KCNJ6: variants seen among roughly 807,000 people sequenced by gnomAD.
The protein encoded by KCNJ6 is potassium inwardly rectifying channel subfamily J member 6, also known as G protein-activated inward rectifier potassium channel 2.
Under a neutral mutation model 34.2 loss-of-function variants are expected in KCNJ6, and 9 were observed. That is an observed-to-expected ratio of 0.26 (90% CI 0.16 to 0.46). The LOEUF is 0.46. Among genes scored for constraint, KCNJ6 ranks in the 20% least tolerant of loss-of-function variants. The pLI is 1.00. For missense variants in KCNJ6, 236 were observed against 531.3 expected (o/e 0.44, Z 5.46); for synonymous variants, 196 against 207.1 (o/e 0.95, Z 0.46).
rs537779740 is a variant in KCNJ6 at position 37,795,189 on chromosome 21, G to C, written c.25+45469C>G. 2.6e-5 allele frequency among the ~76,000 whole-genome samples: 4 copies of C among 152,336 alleles called. No homozygotes were observed. The South Asian group carries it at 8.3e-4, about 32-fold the overall frequency. On this transcript the variant is annotated intron_variant, in intron 2 of 3. Coordinates refer to ENST00000609713, the MANE Select transcript of KCNJ6 (RefSeq NM_002240.5). ...AGTTGAGGAAACAGAACACATTTTA[G>C]AAAAACTTCCATCAGGATAATGAAA... is the stretch of plus-strand genomic sequence containing the variant.
chr21:37,738,064 T>C (rs2054922201), intron 2 of KCNJ6, among the ~76,000 whole-genome samples: 1 of 152,166 alleles, frequency 6.6e-6, no homozygotes, highest in Non-Finnish European at 1.5e-5. Context: ...ATTTGTTTAA[T>C]GCTCACACTC....
chr21:37,607,484 T>TATATATATATATATATATATATATATATA lies in KCNJ6; in HGVS notation c.*17674_*17675insTATATATATATATATATATATATATATAT, dbSNP rs35281433. 6.4e-5 allele frequency: 4 copies of TATATATATATATATATATATATATATATA among 62,168 alleles called. No homozygotes were observed. Among genetic ancestry groups the TATATATATATATATATATATATATATATA allele is most frequent in the Non-Finnish European group, 1.4e-4 (4 of 29,270 alleles). The allele number at this position is 62,168 out of a possible 1,614,324, so 3.9% of individuals were successfully genotyped here. A position where few individuals can be genotyped will look rare whatever the true frequency, so the allele number is the denominator to read the frequency against. On this transcript the variant is annotated 3_prime_UTR_variant, in exon 4 of 4. Coordinates refer to ENST00000609713, the MANE Select transcript of KCNJ6 (RefSeq NM_002240.5). ...TAAAGATATATATATATATATATAT[T>TATATATATATATATATATATATATATATA]TTTTTTTTATTTTAAAAAAATTTGG...
rs538349955 is a variant in KCNJ6 at position 37,767,194 on chromosome 21, G to C, written c.26-52063C>G. On this transcript the variant is annotated intron_variant, in intron 2 of 3. Coordinates refer to ENST00000609713, the MANE Select transcript of KCNJ6 (RefSeq NM_002240.5). Reference sequence around the variant, plus strand: ...GTGTCCCATTATCTGACAGCTTCAAGGATTGGCGAGCACACATCTTTGTCT... The same window carrying C: ...GTGTCCCATTATCTGACAGCTTCAACGATTGGCGAGCACACATCTTTGTCT... 3.3e-5 allele frequency among the ~76,000 whole-genome samples: 5 copies of C among 152,276 alleles called. No homozygotes were observed. In the South Asian group the frequency reaches 1.0e-3, roughly 32 times the overall value.
In KCNJ6 at chr21:37,800,325, C is replaced by G. The variant is rs1422791478; in HGVS notation, c.25+40333G>C. On this transcript the variant is annotated intron_variant, in intron 2 of 3. Coordinates refer to ENST00000609713, the MANE Select transcript of KCNJ6 (RefSeq NM_002240.5). ...TGTTGGAGAAAGGCCATGAAGAAATCCACTTAAATAAAATAGGGACCCAAA... is the reference window on the plus strand; with the variant it reads ...TGTTGGAGAAAGGCCATGAAGAAATGCACTTAAATAAAATAGGGACCCAAA... Among the ~76,000 whole-genome samples the G allele has an allele frequency of 2.0e-5, 3 of 152,068 alleles. No homozygotes were observed. The East Asian group carries it at 5.8e-4, about 29-fold the overall frequency.
chr21:37,831,072 G>C (rs1319531819), intron 2 of KCNJ6, among the ~76,000 whole-genome samples: 1 of 152,222 alleles, frequency 6.6e-6, no homozygotes, highest in East Asian at 1.9e-4. Context: ...CTTGCATGGA[G>C]ACATGGCTCA....
intron 2 of KCNJ6, among the ~76,000 whole-genome samples, chr21:37,767,398 C>T (rs116641715): frequency 5.3e-4 from 81 of 152,262 alleles, no homozygotes; most frequent in African/African-American, 1.9e-3. Flanking sequence ...TGCAAGGGAC[C>T]TTAGAACACT....
chr21:37,709,400 G>A (rs186328545), intron 3 of KCNJ6, among the ~76,000 whole-genome samples: 2 of 152,222 alleles, frequency 1.3e-5, no homozygotes, highest in African/African-American at 4.8e-5. Flanking sequence ...TGTAATCCCA[G>A]CTACTCAGGA....
At chr21:37,721,399 T>C (rs1569451984) in intron 2 of KCNJ6, among the ~76,000 whole-genome samples, 8 of 152,320 alleles carry the variant, frequency 5.3e-5, no homozygotes, top group Admixed American at 3.3e-4. Flanking sequence ...AGAATTACCA[T>C]GTAATCCAGC....
At chr21:37,878,264 ATT>A (rs11450480) in intron 1 of KCNJ6, among the ~76,000 whole-genome samples, 1 of 149,178 alleles carries the variant, frequency 6.7e-6, no homozygotes, top group Non-Finnish European at 1.5e-5. Context: ...CATTTGTGGG[ATT>A]TTTTTTTTTT....
intron 1 of KCNJ6, among the ~76,000 whole-genome samples, chr21:37,901,603 C>G (rs939782004): frequency 1.3e-5 from 2 of 152,198 alleles, no homozygotes; most frequent in Admixed American, 1.3e-4. Context: ...ATAATTGACT[C>G]AACCAGGAAT....
intron 3 of KCNJ6, among the ~76,000 whole-genome samples, chr21:37,638,072 C>T (rs2054365805): frequency 6.6e-6 from 1 of 152,208 alleles, no homozygotes; most frequent in Admixed American, 6.5e-5. Context: ...AGGCCAAGCT[C>T]CAGAGTCTAC....
intron 2 of KCNJ6, among the ~76,000 whole-genome samples, chr21:37,762,667 C>T (rs933009438): frequency 2.6e-5 from 4 of 152,154 alleles, no homozygotes; most frequent in African/African-American, 9.6e-5. Context: ...ACCACGATGA[C>T]ATGGGCCTTC....
rs573128210 is a variant in KCNJ6 at position 37,667,392 on chromosome 21, C to G, written c.947-41908G>C. On this transcript the variant is annotated intron_variant, in intron 3 of 3. Coordinates refer to ENST00000609713, the MANE Select transcript of KCNJ6 (RefSeq NM_002240.5). ...TTGTAACAAGCCCATCCTGTCTGGA[C>G]CAGGGGGATTCAGCTAAGCCTAGGG... Among the ~76,000 whole-genome samples the G allele has an allele frequency of 5.9e-5, 9 of 152,138 alleles. 1 individual carries two copies. The South Asian group carries it at 1.9e-3, about 32-fold the overall frequency.
chr21:37,816,468 C>T (rs1253562220), intron 2 of KCNJ6, among the ~76,000 whole-genome samples: 1 of 152,238 alleles, frequency 6.6e-6, no homozygotes, highest in South Asian at 2.1e-4. Context: ...CACACATTTA[C>T]AAACGAACTG....
chr21:37,894,497 T>C (rs2055778288), intron 1 of KCNJ6, among the ~76,000 whole-genome samples: 1 of 152,056 alleles, frequency 6.6e-6, no homozygotes, highest in Admixed American at 6.6e-5. Context: ...ACCCTGTCTC[T>C]ACTAAAAATA....
At chr21:37,646,871 A>G (rs967194530) in intron 3 of KCNJ6, among the ~76,000 whole-genome samples, 2 of 151,922 alleles carry the variant, frequency 1.3e-5, no homozygotes, top group African/African-American at 4.8e-5. Flanking sequence ...ACGGGGTTTC[A>G]CACGTGTTAG....
chr21:37,704,914 G>T (rs1182515158), intron 3 of KCNJ6, among the ~76,000 whole-genome samples: 2 of 152,010 alleles, frequency 1.3e-5, no homozygotes, highest in Non-Finnish European at 2.9e-5. Flanking sequence ...GTTATACTTG[G>T]CACGGCACCA....
At chr21:37,639,739 C>G (rs2054372937) in intron 3 of KCNJ6, among the ~76,000 whole-genome samples, 1 of 152,122 alleles carries the variant, frequency 6.6e-6, no homozygotes, top group Non-Finnish European at 1.5e-5. Context: ...AACTGTAATC[C>G]TCAATGTTGG....
intron 2 of KCNJ6, among the ~76,000 whole-genome samples, chr21:37,787,469 G>A (rs1408763585): frequency 2.6e-5 from 4 of 152,150 alleles, no homozygotes; most frequent in African/African-American, 7.2e-5. Context: ...AGTGGGGCAC[G>A]TCAAAGAAAG....
Sources: allele counts gnomAD v4.1 joint callset (sites outside exome capture counted in the v4.1 genomes callset), GRCh38; gene constraint gnomAD v4.1.1; transcripts MANE v1.5; gene names NCBI Gene and HGNC (gene_info 2026-07-23, HGNC 2026-07-21).